Variants in MTMR10 observed in about 807,000 individuals in gnomAD.
MTMR10 encodes myotubularin-related protein 10.
In MTMR10, 56 loss-of-function variants were observed where a neutral mutation model predicts 88.1. That is an observed-to-expected ratio of 0.64 (90% confidence interval 0.51 to 0.79). The LOEUF (loss-of-function observed/expected upper bound fraction) is 0.79, where lower values mean the gene tolerates loss of function less well. Ranked by LOEUF, MTMR10 falls within the 30% of genes least tolerant of loss-of-function variation. The pLI is 0.00. For synonymous variants in MTMR10, 380 were observed against 340.9 expected, an observed-to-expected ratio of 1.11 and a Z score of -1.26; for missense variants, 883 against 924.7, an observed-to-expected ratio of 0.95 and a Z score of 0.58.
At chr15:30,947,626 T>C (rs1261999731) in intron 13 of MTMR10, among the ~76,000 whole-genome samples, 1 of 152,204 alleles carries the variant, frequency 6.6e-6, no homozygotes, top group African/African-American at 2.4e-5. Flanking sequence ...TTAGATTATA[T>C]AACAAAACAA....
the MTMR10 span, chr15:30,929,113 GT>G: frequency 5.3e-6 from 6 of 1,125,950 alleles, no homozygotes; most frequent in South Asian, 8.8e-5. Context: ...CGGTTGGCCG[GT>G]TTCCAAGTTT....
Position 30,952,053 on chromosome 15 carries a change from G to T in MTMR10, c.1137-15C>A, listed in dbSNP as rs1327436389. ...TAAGGAATGCCCTGAAGAGAGAAAA[G>T]GAAAAGCAGTGTTAAAAATCAAATT... is the stretch of plus-strand genomic sequence containing the variant. On this transcript the variant is annotated splice_polypyrimidine_tract_variant and intron_variant, in intron 11 of 15. Coordinates refer to ENST00000435680, the MANE Select transcript of MTMR10 (RefSeq NM_017762.3). 12 of 1,606,954 alleles carry T rather than the reference G, an allele frequency of 7.5e-6. No individual in the cohort carries two copies. Among genetic ancestry groups the T allele is most frequent in the Non-Finnish European group, 7.7e-6 (9 of 1,174,268 alleles).
intron 14 of MTMR10, among the ~76,000 whole-genome samples, chr15:30,945,068 C>T (rs1164873920): frequency 6.6e-6 from 1 of 151,404 alleles, no homozygotes; most frequent in Non-Finnish European, 1.5e-5. Flanking sequence ...ATATTTATCC[C>T]AAGAGAGACC....
chr15:30,974,367 A>C lies in MTMR10; in HGVS notation c.421T>G (p.Phe141Val), dbSNP rs760910200. Residue 141 changes from phenylalanine (F) to valine (V), a missense_variant, in exon 5 of 16, where the codon TTC becomes GTC. Physicochemically the swap from Phe to Val is conservative, Grantham distance 50. Around this residue, in one of 3 missense-constraint regions of MTMR10, gnomAD observed 414 missense variants for 423.2 expected, o/e 0.98. Coordinates refer to ENST00000435680, the MANE Select transcript of MTMR10 (RefSeq NM_017762.3). ...PTELIIYCKD[F>V]RIVRFRFDES... Reference sequence around the variant, plus strand: ...TCAAAGCGAAATCTGACAATTCTGAAATCTTTACAATAAATAATTAACTCT... The same window carrying C: ...TCAAAGCGAAATCTGACAATTCTGACATCTTTACAATAAATAATTAACTCT... The C allele has an allele frequency of 6.2e-7, 1 of 1,607,596 alleles. No individual in the cohort carries two copies. Among genetic ancestry groups the C allele is most frequent in the Non-Finnish European group, 8.5e-7 (1 of 1,176,034 alleles).
chr15:30,979,323 T>A (rs2077498807), intron 2 of MTMR10, among the ~76,000 whole-genome samples: 1 of 152,006 alleles, frequency 6.6e-6, no homozygotes, highest in African/African-American at 2.4e-5. Flanking sequence ...TCCCAACACT[T>A]TGGCTGAGGC....
In MTMR10 at chr15:30,940,501, A is replaced by G. The variant is rs1485181174; in HGVS notation, c.*969T>C. ...ACTCGTAACCTCATTAGTTATTTCCAGGGGGAAGTGCCAGCAATAGTTTAC... is the reference window on the plus strand; with the variant it reads ...ACTCGTAACCTCATTAGTTATTTCCGGGGGGAAGTGCCAGCAATAGTTTAC... On this transcript the variant is annotated 3_prime_UTR_variant, in exon 16 of 16. Transcript: ENST00000435680. 8.1e-6 allele frequency: 8 copies of G among 985,362 alleles called. No homozygotes were observed. The highest frequency in any genetic ancestry group is 9.6e-6 in the Non-Finnish European group (8 of 829,952). The allele number at this position is 985,362 out of a possible 1,614,324, so 61.0% of individuals were successfully genotyped here.
intron 12 of MTMR10, chr15:30,949,107 A>G (rs1317401137): frequency 3.9e-5 from 6 of 152,304 alleles, no homozygotes; most frequent in African/African-American, 7.2e-5. Flanking sequence ...CCACAGTAAT[A>G]AAGGACAAAA....
rs1170789742 is a variant in MTMR10, at chr15:30,941,949, G to A, written c.1855C>T (p.Gln619Ter). Residue 619 changes from glutamine (Q) to a stop codon, truncating the protein, a stop_gained, in exon 16 of 16, where the codon CAA becomes TAA. Coordinates refer to ENST00000435680, the MANE Select transcript of MTMR10 (RefSeq NM_017762.3). LOFTEE classifies it low-confidence loss of function (END_TRUNC). Reference sequence around the variant, plus strand: ...GTATCACTGTTCTGGCTGTCGGTTTGCTGAGCTGGATCTGGCTTTGGTTTT... The same window carrying A: ...GTATCACTGTTCTGGCTGTCGGTTTACTGAGCTGGATCTGGCTTTGGTTTT... ...ILKPKPDPAQ[Q>*]TDSQNSDTEQ... 3 of 1,613,896 alleles carry A rather than the reference G, an allele frequency of 1.9e-6. No homozygotes were observed. Among genetic ancestry groups the A allele is most frequent in the Non-Finnish European group, 2.5e-6 (3 of 1,179,906 alleles).
At chr15:30,952,415 G>C (rs1771313329) in intron 11 of MTMR10, among the ~76,000 whole-genome samples, 1 of 152,182 alleles carries the variant, frequency 6.6e-6, no homozygotes, top group African/African-American at 2.4e-5. Flanking sequence ...ACCCACACTA[G>C]AGTGCAGTGG....
chr15:30,963,254 G>A (rs1355594993), intron 6 of MTMR10, among the ~76,000 whole-genome samples: 17 of 152,126 alleles, frequency 1.1e-4, no homozygotes, highest in African/African-American at 4.8e-5. Context: ...TCTAGATTAC[G>A]GAGGGGCTAT....
intron 15 of MTMR10, chr15:30,942,427 A>C: frequency 3.1e-6 from 1 of 325,848 alleles, no homozygotes; most frequent in Non-Finnish European, 5.6e-6. Context: ...CAGGAGGCCA[A>C]ATGTCTGATT....
intron 3 of MTMR10, among the ~76,000 whole-genome samples, chr15:30,975,395 C>T (rs1467707921): frequency 1.3e-5 from 2 of 152,250 alleles, no homozygotes; most frequent in African/African-American, 4.8e-5. Flanking sequence ...ACAAAGTCTA[C>T]TAGAAATAAA....
intron 8 of MTMR10, 40 bp downstream of exon 8, chr15:30,958,994 T>C (rs746035984): frequency 2.5e-6 from 4 of 1,613,380 alleles, no homozygotes; most frequent in East Asian, 2.2e-5. Flanking sequence ...GTAGAAACAA[T>C]GGACGTCAGC....
At chr15:30,937,287 CAT>C (rs1566937432), downstream of MTMR10, 1 of 1,581,316 alleles carries the variant, frequency 6.3e-7, no homozygotes, top group East Asian at 2.2e-5. Context: ...TTTGGTCATA[CAT>C]TAATGTAAGA....
intron 9 of MTMR10, among the ~76,000 whole-genome samples, chr15:30,957,521 G>A (rs773180518): frequency 6.6e-6 from 1 of 152,162 alleles, no homozygotes; most frequent in Non-Finnish European, 1.5e-5. Context: ...TCAGGAGTTC[G>A]AGACCAGCCT....
Position 30,974,419 on chromosome 15 carries a change from G to C in MTMR10, c.369C>G (p.Pro123=), listed in dbSNP as rs1477120672. The change falls in exon 5 of 16, where the codon CCC becomes CCG. Residue 123 remains proline (P), a synonymous_variant. Transcript: ENST00000435680. Reference sequence around the variant, plus strand: ...TTGGATTAAATTTCAGTTTCTGGTTGGGGCCTAGGACTTTCTGCTTCCTCT... The same window carrying C: ...TTGGATTAAATTTCAGTTTCTGGTTCGGGCCTAGGACTTTCTGCTTCCTCT... ...DHKRKQKVLG[P]NQKLKFNPTE... is the part of the protein sequence containing the mutation. The C allele has an allele frequency of 6.2e-7, 1 of 1,600,620 alleles. No individual in the cohort carries two copies. Among genetic ancestry groups the C allele is most frequent in the African/African-American group, 1.3e-5 (1 of 74,508 alleles).
intron 9 of MTMR10, among the ~76,000 whole-genome samples, chr15:30,956,710 G>A (rs575366848): frequency 7.9e-5 from 12 of 152,322 alleles, no homozygotes; most frequent in African/African-American, 2.4e-4. Flanking sequence ...ATGAAGAATA[G>A]GATAGCTGAA....
chr15:30,963,566 G>C (rs1317799553), intron 6 of MTMR10, among the ~76,000 whole-genome samples: 2 of 152,128 alleles, frequency 1.3e-5, no homozygotes, highest in Non-Finnish European at 2.9e-5. Context: ...GAACCTGGCA[G>C]GCAGAGCTTG....
At chr15:30,944,641 A>T (rs555771866) in intron 14 of MTMR10, among the ~76,000 whole-genome samples, 8 of 152,234 alleles carry the variant, frequency 5.3e-5, no homozygotes, top group African/African-American at 1.9e-4. Flanking sequence ...CATTTGCTTC[A>T]AACACTGTTA....
Sources: allele counts gnomAD v4.1 joint callset (sites outside exome capture counted in the v4.1 genomes callset), GRCh38; gene constraint gnomAD v4.1.1; regional missense constraint gnomAD v4.1.1; transcripts MANE v1.5; gene names NCBI Gene and HGNC (gene_info 2026-07-23, HGNC 2026-07-21).